CAST: variants seen among roughly 807,000 people sequenced by gnomAD.
The protein encoded by CAST is calpastatin.
Under a neutral mutation model 119.6 loss-of-function variants are expected in CAST, and 76 were observed. That is an observed-to-expected ratio of 0.64 (90% confidence interval 0.53 to 0.77). The LOEUF is 0.77. Ranked by LOEUF, CAST falls within the 30% of genes least tolerant of loss-of-function variation. CAST has a pLI of 0.00. For missense variants in CAST, 953 were observed against 946.5 expected, an observed-to-expected ratio of 1.01 and a Z score of -0.09; for synonymous variants, 319 against 331.6, an observed-to-expected ratio of 0.96 and a Z score of 0.41.
chr5:96,748,840 C>A (rs1246125247), intron 19 of CAST: 1 of 393,680 alleles, frequency 2.5e-6, no homozygotes. Flanking sequence ...GCTCTGGAAC[C>A]CATGCCTTCC....
the CAST span, among the ~76,000 whole-genome samples, chr5:96,086,945 T>C: frequency 6.6e-6 from 1 of 152,226 alleles, no homozygotes; most frequent in South Asian, 2.1e-4. Flanking sequence ...TACTTTTTAT[T>C]TTAGTAAACA....
chr5:96,717,923 C>CA (rs1246803019), intron 3 of CAST, among the ~76,000 whole-genome samples: 2 of 152,046 alleles, frequency 1.3e-5, no homozygotes, highest in Non-Finnish European at 2.9e-5. Flanking sequence ...GATTGAGAGA[C>CA]AAATAAGGGT....
chr5:96,247,323 G>A, the CAST span, among the ~76,000 whole-genome samples: 3 of 152,302 alleles, frequency 2.0e-5, no homozygotes, highest in South Asian at 6.2e-4. Flanking sequence ...TCCAACTTTG[G>A]GTTATGCATG....
At chr5:96,555,342 C>T (rs1010032627) in intron 1 of CAST, among the ~76,000 whole-genome samples, 6 of 152,300 alleles carry the variant, frequency 3.9e-5, no homozygotes, top group Middle Eastern at 6.8e-3. Context: ...AACTGAGGTA[C>T]GTGTTCATCT....
At chr5:96,062,630 A>G in the CAST span, among the ~76,000 whole-genome samples, 1 of 152,096 alleles carries the variant, frequency 6.6e-6, no homozygotes, top group Admixed American at 6.6e-5. Flanking sequence ...TCAGGCCAAG[A>G]GAACAGCAGT....
At chr5:96,501,549 G>A in the CAST span, among the ~76,000 whole-genome samples, 1 of 152,168 alleles carries the variant, frequency 6.6e-6, no homozygotes, top group Non-Finnish European at 1.5e-5. Flanking sequence ...TGTGATAGCT[G>A]CAAAAATACA....
the CAST span, among the ~76,000 whole-genome samples, chr5:96,448,815 G>A: frequency 6.6e-6 from 1 of 152,022 alleles, no homozygotes; most frequent in East Asian, 1.9e-4. Flanking sequence ...ATTTCTATTT[G>A]CTGCCTAACT....
At chr5:96,186,356 T>C in the CAST span, among the ~76,000 whole-genome samples, 1 of 152,194 alleles carries the variant, frequency 6.6e-6, no homozygotes, top group Admixed American at 6.5e-5. Flanking sequence ...TTCTGTCTGA[T>C]TGCCCTGGCC....
At chr5:96,331,615 A>G in the CAST span, among the ~76,000 whole-genome samples, 1 of 152,246 alleles carries the variant, frequency 6.6e-6, no homozygotes, top group Non-Finnish European at 1.5e-5. Context: ...ACTCACCAGC[A>G]TATAAAAACA....
intron 1 of CAST, among the ~76,000 whole-genome samples, chr5:96,536,302 T>A (rs930387364): frequency 1.3e-5 from 2 of 152,012 alleles, no homozygotes; most frequent in Non-Finnish European, 2.9e-5. Context: ...GAGGTTACGG[T>A]GAGCCGAGAT....
the CAST span, among the ~76,000 whole-genome samples, chr5:95,978,961 G>A: frequency 6.6e-6 from 1 of 152,124 alleles, no homozygotes; most frequent in Non-Finnish European, 1.5e-5. Flanking sequence ...CTCCTTAAAT[G>A]TGGGAAATTC....
chr5:96,156,985 CT>C, the CAST span, among the ~76,000 whole-genome samples: 1 of 152,100 alleles, frequency 6.6e-6, no homozygotes, highest in Non-Finnish European at 1.5e-5. Flanking sequence ...TGTTATAAAA[CT>C]TTATATAGTT....
chr5:96,755,857 A>G (rs1209805915), intron 22 of CAST, among the ~76,000 whole-genome samples: 4 of 152,180 alleles, frequency 2.6e-5, no homozygotes, highest in African/African-American at 9.7e-5. Flanking sequence ...CAAAGTTCCT[A>G]GAGAGCATGC....
At chr5:96,763,343 CGTGT>C (rs537007209) in intron 25 of CAST, 4 of 751,324 alleles carry the variant, frequency 5.3e-6, no homozygotes, top group African/African-American at 1.7e-5. Flanking sequence ...TAAAATGCCC[CGTGT>C]GTGTGTATGT....
At chr5:96,211,096 A>G in the CAST span, among the ~76,000 whole-genome samples, 3 of 151,990 alleles carry the variant, frequency 2.0e-5, no homozygotes, top group African/African-American at 7.2e-5. Context: ...TGTGTAGGCA[A>G]TTATACCTAC....
chr5:95,994,094 T>C, the CAST span, among the ~76,000 whole-genome samples: 1 of 152,146 alleles, frequency 6.6e-6, no homozygotes, highest in African/African-American at 2.4e-5. Context: ...TCAACTACTC[T>C]GGAAAACAAC....
At chr5:96,645,934 A>G (rs188171569) in intron 1 of CAST, among the ~76,000 whole-genome samples, 131 of 152,014 alleles carry the variant, frequency 8.6e-4, no homozygotes, top group African/African-American at 2.9e-3. Context: ...CTGTAAGCCA[A>G]TAATAAAACC....
chr5:96,198,318 A>C, the CAST span, among the ~76,000 whole-genome samples: 1 of 152,144 alleles, frequency 6.6e-6, no homozygotes, highest in Non-Finnish European at 1.5e-5. Flanking sequence ...AATAGTTGCA[A>C]AAATTAAAAG....
At position 96,722,280 on chromosome 5, in the gene CAST, A is replaced by G. The variant is rs570139661; in HGVS notation, c.211-359A>G. ...TGTTTTTTCTGAAAATAACATAAAC[A>G]GTAATTATAATAATATTTACTGAGC... On this transcript the variant is annotated intron_variant, in intron 3 of 31. Transcript: ENST00000675179. Among the ~76,000 whole-genome samples the G allele has an allele frequency of 4.6e-5, 7 of 152,342 alleles. 1 individual carries two copies. The highest frequency in any genetic ancestry group is 1.7e-4 in the African/African-American group (7 of 41,574).
Sources: gnomAD v4.1 joint callset for allele counts (sites outside exome capture counted in the v4.1 genomes callset) on GRCh38, gnomAD v4.1.1 for gene constraint, MANE v1.5 for transcripts, NCBI Gene and HGNC (gene_info 2026-07-23, HGNC 2026-07-21) for gene names.